Variants in LRRC4C observed in about 807,000 individuals in gnomAD.
LRRC4C encodes the protein leucine-rich repeat-containing protein 4C.
A neutral mutation model predicts 33.6 loss-of-function variants in LRRC4C; 5 were observed. The ratio of observed to expected loss-of-function variants is 0.15; its 90% CI spans 0.08 to 0.31. LRRC4C has a LOEUF of 0.31. LRRC4C is among the 10% of genes least tolerant of loss of function. The pLI, the probability that LRRC4C is intolerant of heterozygous loss-of-function variation, is 1.00. For synonymous variants in LRRC4C, 329 were observed against 302.0 expected, an observed-to-expected ratio of 1.09 and a Z score of -0.93; for missense variants, 560 against 796.7, an observed-to-expected ratio of 0.70 and a Z score of 3.58.
At chr11:40,888,441 T>C (rs578077075) in intron 2 of LRRC4C, among the ~76,000 whole-genome samples, 10 of 152,048 alleles carry the variant, frequency 6.6e-5, no homozygotes, top group African/African-American at 2.4e-4. Context: ...AGATTACCCA[T>C]GAAAATATAT....
At chr11:40,907,364 C>T (rs1956468738) in intron 2 of LRRC4C, among the ~76,000 whole-genome samples, 1 of 152,070 alleles carries the variant, frequency 6.6e-6, no homozygotes. Context: ...CAGCATTTTT[C>T]CTTTAAGAAA....
intron 3 of LRRC4C, among the ~76,000 whole-genome samples, chr11:40,633,374 TC>T (rs1565581090): frequency 3.5e-3 from 125 of 36,204 alleles, no homozygotes; most frequent in Admixed American, 6.6e-3. Context: ...TCTTTCTTTC[TC>T]TCTCTTTCTT....
At chr11:41,211,560 A>G (rs1946823898) in intron 1 of LRRC4C, among the ~76,000 whole-genome samples, 1 of 151,348 alleles carries the variant, frequency 6.6e-6, no homozygotes, top group African/African-American at 2.4e-5. Flanking sequence ...ATTCCCACCT[A>G]TGTGTGAGAA....
At chr11:41,228,339 T>C (rs974458602) in intron 1 of LRRC4C, among the ~76,000 whole-genome samples, 1 of 152,096 alleles carries the variant, frequency 6.6e-6, no homozygotes, top group Non-Finnish European at 1.5e-5. Context: ...TTATGAGATT[T>C]TTTCCCCATT....
At chr11:40,662,245 C>T (rs561115051) in intron 2 of LRRC4C, among the ~76,000 whole-genome samples, 25 of 152,296 alleles carry the variant, frequency 1.6e-4, no homozygotes, top group Non-Finnish European at 3.4e-4. Flanking sequence ...GGCCAGATCA[C>T]TTCCTGAAGC....
At chr11:41,008,913 G>T (rs1854960265) in intron 1 of LRRC4C, among the ~76,000 whole-genome samples, 1 of 151,762 alleles carries the variant, frequency 6.6e-6, no homozygotes, top group Non-Finnish European at 1.5e-5. Context: ...ACTAATTCTG[G>T]GTATGATTTG....
chr11:40,767,140 T>C (rs1212067613), intron 2 of LRRC4C, among the ~76,000 whole-genome samples: 3 of 151,966 alleles, frequency 2.0e-5, no homozygotes, highest in Non-Finnish European at 4.4e-5. Flanking sequence ...ATAAAAAATA[T>C]TTTATGCAAA....
At chr11:40,150,196 T>C (rs950901940) in intron 5 of LRRC4C, among the ~76,000 whole-genome samples, 1 of 152,188 alleles carries the variant, frequency 6.6e-6, no homozygotes, top group African/African-American at 2.4e-5. Flanking sequence ...CATTTGTCAT[T>C]GTATTTGGGG....
intron 3 of LRRC4C, among the ~76,000 whole-genome samples, chr11:40,526,186 T>G (rs1956042610): frequency 6.6e-6 from 1 of 152,032 alleles, no homozygotes; most frequent in Non-Finnish European, 1.5e-5. Flanking sequence ...ACAAAAGTAA[T>G]TATTAAATAG....
intron 2 of LRRC4C, among the ~76,000 whole-genome samples, chr11:40,841,251 T>C (rs1356433143): frequency 6.6e-6 from 1 of 152,196 alleles, no homozygotes; most frequent in Non-Finnish European, 1.5e-5. Context: ...AACTCAAGAT[T>C]CATGGTTCAG....
chr11:41,323,947 C>T (rs998350061), intron 1 of LRRC4C, among the ~76,000 whole-genome samples: 1 of 151,958 alleles, frequency 6.6e-6, no homozygotes, highest in African/African-American at 2.4e-5. Flanking sequence ...AAATAAAATA[C>T]AGATTTCATT....
intron 1 of LRRC4C, among the ~76,000 whole-genome samples, chr11:41,075,046 GT>G (rs59948632): frequency 0.29 from 14,656 of 50,658 alleles, 889 homozygotes; most frequent in African/African-American, 0.33. Flanking sequence ...TATTTTTAAT[GT>G]TTTTTTTTTT....
In LRRC4C at chr11:40,727,989, G is replaced by T. The variant is rs35318938; in HGVS notation, c.-406-79711C>A. ...ACCCAGGAGGCAGAGGTTTCAGGGA[G>T]CCAAGATTGTGCCACTGCTCTCCAG... On this transcript the variant is annotated intron_variant, in intron 2 of 6. Transcript: ENST00000528697. Among the ~76,000 whole-genome samples, 1,099 of 152,234 alleles carry T rather than the reference G, an allele frequency of 7.2e-3. 12 individuals carry two copies. The highest frequency in any genetic ancestry group is 0.024 in the Middle Eastern group (7 of 294).
At chr11:40,827,664 A>G (rs1301889144) in intron 2 of LRRC4C, among the ~76,000 whole-genome samples, 3 of 151,860 alleles carry the variant, frequency 2.0e-5, no homozygotes, top group Non-Finnish European at 4.4e-5. Flanking sequence ...AACTGAAAAA[A>G]TAAACTACCT....
chr11:41,173,775 CTATTTAATCTCTCTAACTTCAGTGCAT>C (rs1438211147), intron 1 of LRRC4C, among the ~76,000 whole-genome samples: 2 of 152,042 alleles, frequency 1.3e-5, no homozygotes, highest in Non-Finnish European at 2.9e-5. Context: ...GATCTTTGTC[CTATTTAATCTCTCTAACTTCAGTGCAT>C]GACTCAGTGT....
chr11:40,947,445 G>C (rs1314147496), intron 1 of LRRC4C, among the ~76,000 whole-genome samples: 7 of 152,046 alleles, frequency 4.6e-5, no homozygotes, highest in Non-Finnish European at 1.0e-4. Flanking sequence ...GACTAATTTT[G>C]TCTCTACTGA....
At chr11:40,381,086 T>C (rs1471145817) in intron 3 of LRRC4C, among the ~76,000 whole-genome samples, 1 of 152,184 alleles carries the variant, frequency 6.6e-6, no homozygotes, top group Non-Finnish European at 1.5e-5. Flanking sequence ...TTGTGCAATA[T>C]ACATTTAATC....
chr11:40,578,001 A>C (rs531339640), intron 3 of LRRC4C, among the ~76,000 whole-genome samples: 40 of 150,726 alleles, frequency 2.7e-4, no homozygotes, highest in African/African-American at 8.5e-4. Context: ...TGCCCGGTTA[A>C]TTTTTTGTAT....
At chr11:40,581,691 C>T (rs887677091) in intron 3 of LRRC4C, among the ~76,000 whole-genome samples, 7 of 152,132 alleles carry the variant, frequency 4.6e-5, no homozygotes, top group South Asian at 4.2e-4. Flanking sequence ...ATCACGAGGT[C>T]GGGAGTTCGA....
Sources: allele counts gnomAD v4.1 joint callset (sites outside exome capture counted in the v4.1 genomes callset), GRCh38; gene constraint gnomAD v4.1.1; transcripts MANE v1.5; gene names NCBI Gene and HGNC (gene_info 2026-07-23, HGNC 2026-07-21).